UBE2E3: variants seen among roughly 807,000 people sequenced by gnomAD.
UBE2E3 encodes the protein ubiquitin conjugating enzyme E2 E3.
Under a neutral mutation model 23.6 loss-of-function variants are expected in UBE2E3, and 5 were observed. The observed-to-expected ratio is 0.21, with a 90% CI of 0.11 to 0.44. The LOEUF is 0.44. Among genes scored for constraint, UBE2E3 ranks in the 20% least tolerant of loss-of-function variants. The probability of loss-of-function intolerance (pLI) is 0.99; values close to 1 mark genes in which losing one functional copy is unlikely to be tolerated. For synonymous variants in UBE2E3, 78 were observed against 87.5 expected (o/e 0.89, Z 0.60); for missense variants, 81 against 249.8 (o/e 0.32, Z 4.55).
At chr2:180,987,322 T>A (rs970824994) in intron 3 of UBE2E3, 1 of 1,549,288 alleles carries the variant, frequency 6.5e-7, no homozygotes, top group Non-Finnish European at 8.7e-7. Flanking sequence ...ACATTTACTT[T>A]CCATCTGTTT....
At chr2:181,025,506 A>G (rs1685856330) in intron 3 of UBE2E3, among the ~76,000 whole-genome samples, 1 of 127,546 alleles carries the variant, frequency 7.8e-6, no homozygotes, top group African/African-American at 3.0e-5. Context: ...TATATTTGGG[A>G]TATATGGCAT....
intron 3 of UBE2E3, among the ~76,000 whole-genome samples, chr2:180,990,893 T>C (rs1684634118): frequency 6.6e-6 from 1 of 152,234 alleles, no homozygotes; most frequent in Admixed American, 6.5e-5. Flanking sequence ...TTCACAATCC[T>C]TTATTTGAAA....
At chr2:181,014,667 T>C (rs1685433433) in intron 3 of UBE2E3, among the ~76,000 whole-genome samples, 1 of 152,140 alleles carries the variant, frequency 6.6e-6, no homozygotes. Flanking sequence ...ATAATCTTTA[T>C]TGATTGTTGT....
chr2:181,029,015 A>G (rs1303528408), intron 3 of UBE2E3, among the ~76,000 whole-genome samples: 1 of 152,012 alleles, frequency 6.6e-6, no homozygotes, highest in Non-Finnish European at 1.5e-5. Flanking sequence ...TGATTCTTTG[A>G]AAAGGGTAAG....
At chr2:181,017,780 C>G (rs868631383) in intron 3 of UBE2E3, among the ~76,000 whole-genome samples, 12 of 145,396 alleles carry the variant, frequency 8.3e-5, no homozygotes, top group African/African-American at 3.1e-4. Flanking sequence ...TTTGGACTTA[C>G]CTTGTCTTTC....
In UBE2E3 at chr2:181,034,044, C is replaced by T. The variant is rs368404118; in HGVS notation, c.246-23649C>T. 2.6e-4 allele frequency among the ~76,000 whole-genome samples: 39 copies of T among 152,020 alleles called. 1 individual carries two copies. The highest frequency in any genetic ancestry group is 6.2e-4 in the South Asian group (3 of 4,808). ...AGGAAACAACAGGTGCTGGAGAGGACGTGGAGAAATAGGAACACTTTTACA... is the reference window on the plus strand; with the variant it reads ...AGGAAACAACAGGTGCTGGAGAGGATGTGGAGAAATAGGAACACTTTTACA... On this transcript the variant is annotated intron_variant, in intron 3 of 5. Coordinates refer to ENST00000410062, the MANE Select transcript of UBE2E3 (RefSeq NM_006357.4).
chr2:181,060,829 T>C lies in UBE2E3; in HGVS notation c.526+17T>C, dbSNP rs757279014. ...GCAACCCTGGTAAGCAAATCTTTAT[T>C]AACATGTACAATAAGACTACAAAAA... is the stretch of plus-strand genomic sequence containing the variant. On this transcript the variant is annotated intron_variant, in intron 5 of 5. Coordinates refer to ENST00000410062, the MANE Select transcript of UBE2E3 (RefSeq NM_006357.4). 5.8e-6 allele frequency: 9 copies of C among 1,549,390 alleles called. No individual in the cohort carries two copies. Among genetic ancestry groups the C allele is most frequent in the Admixed American group, 3.8e-5 (2 of 52,410 alleles).
intron 3 of UBE2E3, among the ~76,000 whole-genome samples, chr2:181,035,872 C>T (rs968693857): frequency 3.9e-5 from 6 of 152,114 alleles, no homozygotes; most frequent in Non-Finnish European, 8.8e-5. Context: ...ATGAATTTTA[C>T]TCATAATTTA....
At chr2:180,980,480 CGCGCACGGGA>C (rs1684229069), upstream of UBE2E3, 1 of 149,838 alleles carries the variant, frequency 6.7e-6, no homozygotes, top group African/African-American at 2.4e-5. This position sits in a 1 kb window ranked among gnomAD's most constrained non-coding sequence, Gnocchi z 5.5. Flanking sequence ...GTGTGGAGAG[CGCGCACGGGA>C]GCGCGCGGGA....
intron 3 of UBE2E3, among the ~76,000 whole-genome samples, chr2:181,041,290 AG>A (rs1347488886): frequency 6.6e-6 from 1 of 150,632 alleles, no homozygotes; most frequent in Non-Finnish European, 1.5e-5. Context: ...AGTGTCAAAT[AG>A]CGCTTGAACC....
intron 3 of UBE2E3, among the ~76,000 whole-genome samples, chr2:181,010,667 A>G (rs17604930): frequency 0.047 from 7,120 of 152,248 alleles, 233 homozygotes; most frequent in Middle Eastern, 0.085. Flanking sequence ...ACATTTGTAT[A>G]AACAGTGTTT....
At chr2:181,048,070 C>A (rs959790378) in intron 3 of UBE2E3, among the ~76,000 whole-genome samples, 2 of 152,052 alleles carry the variant, frequency 1.3e-5, no homozygotes, top group African/African-American at 4.8e-5. Flanking sequence ...CTTTCCCAGC[C>A]CTTTCCTTTC....
chr2:181,002,740 C>T (rs998622321), intron 3 of UBE2E3, among the ~76,000 whole-genome samples: 4 of 152,088 alleles, frequency 2.6e-5, no homozygotes, highest in African/African-American at 9.6e-5. Flanking sequence ...TTAAAATAGC[C>T]ACAGGTAGCT....
At chr2:181,009,472 A>C (rs911474199) in intron 3 of UBE2E3, among the ~76,000 whole-genome samples, 17 of 152,034 alleles carry the variant, frequency 1.1e-4, no homozygotes, top group Non-Finnish European at 2.1e-4. Flanking sequence ...TCCACCACAT[A>C]CTACTACTCC....
intron 2 of UBE2E3, 169 bp from the exon 3 acceptor site, chr2:180,983,874 A>C: frequency 2.2e-6 from 1 of 460,816 alleles, no homozygotes; most frequent in Non-Finnish European, 3.9e-6. Context: ...GTTTCTGTTA[A>C]GGGATTTGGG....
intron 3 of UBE2E3, among the ~76,000 whole-genome samples, chr2:181,015,294 T>G (rs893689585): frequency 6.6e-6 from 1 of 152,190 alleles, no homozygotes; most frequent in African/African-American, 2.4e-5. Context: ...TAGGACATTT[T>G]AAAATGAGGG....
At chr2:181,058,404 CAG>C (rs1365548167) in intron 4 of UBE2E3, among the ~76,000 whole-genome samples, 2 of 151,500 alleles carry the variant, frequency 1.3e-5, no homozygotes, top group South Asian at 2.1e-4. Context: ...AGATGGATAA[CAG>C]AGAACGGGGT....
Position 181,004,370 on chromosome 2 carries a change from C to G in UBE2E3, c.245+20277C>G, listed in dbSNP as rs552772057. 2.6e-5 allele frequency among the ~76,000 whole-genome samples: 4 copies of G among 152,234 alleles called. No homozygotes were observed. In the East Asian group the frequency reaches 7.7e-4, roughly 29 times the overall value. On this transcript the variant is annotated intron_variant, in intron 3 of 5. Transcript: ENST00000410062. ...AACAATACAGCTGAGTGTGGTGGCT[C>G]GCACCTGTAATCCCAGCACTTTGGG...
chr2:181,041,226 C>A (rs1686486994), intron 3 of UBE2E3, among the ~76,000 whole-genome samples: 1 of 71,804 alleles, frequency 1.4e-5, no homozygotes, highest in Non-Finnish European at 3.2e-5. Context: ...CAGAGCAAGA[C>A]TCCGTCTCAA....
Sources: allele counts gnomAD v4.1 joint callset (sites outside exome capture counted in the v4.1 genomes callset), GRCh38; gene constraint gnomAD v4.1.1; non-coding constraint Gnocchi (gnomAD v3.1); transcripts MANE v1.5; gene names NCBI Gene and HGNC (gene_info 2026-07-23, HGNC 2026-07-21).